Variants in AP2B1 observed in about 807,000 individuals in gnomAD.
AP2B1 encodes adaptor related protein complex 2 subunit beta 1, also known as AP-2 complex subunit beta.
AP2B1 carries 23 observed loss-of-function variants against 102.0 expected under a neutral mutation model. The observed-to-expected ratio is 0.23, with a 90% confidence interval of 0.16 to 0.32. AP2B1 has a LOEUF of 0.32. AP2B1 is among the 10% of genes least tolerant of loss of function. AP2B1 has a pLI of 1.00. For synonymous variants in AP2B1, 381 were observed against 421.2 expected (o/e 0.90, Z 1.17); for missense variants, 541 against 1,157.4 (o/e 0.47, Z 7.73).
intron 14 of AP2B1, among the ~76,000 whole-genome samples, chr17:35,658,781 T>C (rs1159608701): frequency 2.6e-5 from 4 of 152,234 alleles, no homozygotes; most frequent in Non-Finnish European, 1.5e-5. Context: ...CTGCATATAC[T>C]GGCATCTTCT....
rs1235565433 is a variant in AP2B1, at chr17:35,657,887, C to G, written c.1989+96C>G. On this transcript the variant is annotated intron_variant, in intron 14 of 21. Transcript: ENST00000610402. ...TCAGCTTTTTAGAACTAGACCTTTC[C>G]TTGATGAGCAGTAGTGTCCTTTGAT... 3.6e-6 allele frequency: 4 copies of G among 1,109,450 alleles called. No homozygotes were observed. The African/African-American group carries it at 6.3e-5, about 17-fold the overall frequency. The allele number at this position is 1,109,450 out of a possible 1,614,324, so 68.7% of individuals were successfully genotyped here.
At chr17:35,675,312 C>G (rs2075676104) in intron 17 of AP2B1, among the ~76,000 whole-genome samples, 1 of 152,200 alleles carries the variant, frequency 6.6e-6, no homozygotes, top group Non-Finnish European at 1.5e-5. Context: ...TAATTGGACC[C>G]TTAAAGCAGA....
chr17:35,644,310 A>T (rs1010032637), intron 12 of AP2B1, among the ~76,000 whole-genome samples: 1 of 152,156 alleles, frequency 6.6e-6, no homozygotes, highest in East Asian at 1.9e-4. Context: ...CCATATGTAT[A>T]TGTGTGTTTG....
At chr17:35,693,211 G>A (rs1567999052) in intron 18 of AP2B1, among the ~76,000 whole-genome samples, 1 of 151,992 alleles carries the variant, frequency 6.6e-6, no homozygotes, top group East Asian at 1.9e-4. Context: ...TAGAGATGAG[G>A]TTTTTTCACC....
In AP2B1 at chr17:35,639,588, TCATCAGG is replaced by T; in HGVS notation, c.1272-6_1272del. ...CTCAATAACCATAGTTCATTTTTTT[TCATCAGG>T]TATGAAAGTATCATCGCCACTCTGT... On this transcript the variant is annotated splice_acceptor_variant and splice_polypyrimidine_tract_variant and coding_sequence_variant and intron_variant, in exon 11 of 22. Transcript: ENST00000610402. LOFTEE classifies it high-confidence loss of function. The T allele has an allele frequency of 3.1e-6, 5 of 1,599,624 alleles. No homozygotes were observed. The highest frequency in any genetic ancestry group is 3.5e-5 in the Admixed American group (2 of 56,388).
At chr17:35,714,534 A>T (rs2076513952) in intron 20 of AP2B1, among the ~76,000 whole-genome samples, 1 of 152,192 alleles carries the variant, frequency 6.6e-6, no homozygotes, top group African/African-American at 2.4e-5. Flanking sequence ...TTATGGAAGG[A>T]TACAAATGAA....
intron 1 of AP2B1, among the ~76,000 whole-genome samples, chr17:35,589,603 A>C (rs1056442609): frequency 1.3e-5 from 2 of 152,220 alleles, no homozygotes; most frequent in Non-Finnish European, 2.9e-5. Context: ...CTGTGCAGGG[A>C]GGCCTTCTCC....
chr17:35,591,036 TG>T (rs1390966054), intron 1 of AP2B1, among the ~76,000 whole-genome samples: 1 of 151,670 alleles, frequency 6.6e-6, no homozygotes, highest in Admixed American at 6.6e-5. Context: ...TAGCTGGGCG[TG>T]GTAGTGGGTG....
chr17:35,660,133 G>A (rs2142895474), intron 14 of AP2B1: 1 of 946,188 alleles, frequency 1.1e-6, no homozygotes, highest in South Asian at 4.9e-5. Flanking sequence ...TTTTGTACAA[G>A]AGAGGGTTTG....
intron 17 of AP2B1, among the ~76,000 whole-genome samples, chr17:35,677,484 A>C (rs779251786): frequency 9.2e-5 from 14 of 152,152 alleles, no homozygotes; most frequent in South Asian, 6.2e-4. Context: ...AATATGTTGT[A>C]AATTAAGAGT....
intron 1 of AP2B1, among the ~76,000 whole-genome samples, chr17:35,589,989 G>T (rs1480714948): frequency 1.4e-5 from 2 of 146,544 alleles, no homozygotes; most frequent in African/African-American, 5.1e-5. Context: ...GCAGTGGCGC[G>T]ATCTCGGCTC....
intron 18 of AP2B1, among the ~76,000 whole-genome samples, chr17:35,688,674 G>C (rs976599667): frequency 6.6e-6 from 1 of 151,932 alleles, no homozygotes; most frequent in African/African-American, 2.4e-5. Context: ...TTAAAACCTT[G>C]TTTATGGGAA....
chr17:35,639,183 T>C (rs1469708725), intron 10 of AP2B1, among the ~76,000 whole-genome samples: 1 of 151,994 alleles, frequency 6.6e-6, no homozygotes, highest in Admixed American at 6.6e-5. Flanking sequence ...ATTTTTAAAA[T>C]TTAGCTGAGT....
chr17:35,641,896 C>G lies in AP2B1; in HGVS notation c.1457C>G (p.Thr486Ser), dbSNP rs2074793375. ...ESTQVQLTLLTAIVKLFLKKP... is the reference protein window; with the variant it reads ...ESTQVQLTLLSAIVKLFLKKP... ...GTTTAGGTGCAGCTCACTCTGCTTA[C>G]TGCCATAGTGAAGCTGTTTCTCAAG... is the stretch of plus-strand genomic sequence containing the variant. The change falls in exon 12 of 22, where the codon ACT (threonine) becomes AGT (serine). Residue 486 changes from threonine to serine, a missense_variant. Around this residue, in one of 10 missense-constraint regions of AP2B1, gnomAD observed 106 missense variants for 296.4 expected, o/e 0.36. Transcript: ENST00000610402. 6.2e-7 allele frequency: 1 copy of G among 1,611,502 alleles called. No individual in the cohort carries two copies. Among genetic ancestry groups the G allele is most frequent in the African/African-American group, 1.3e-5 (1 of 74,902 alleles).
intron 5 of AP2B1, among the ~76,000 whole-genome samples, chr17:35,613,152 T>C (rs2142451675): frequency 6.6e-6 from 1 of 151,204 alleles, no homozygotes; most frequent in South Asian, 2.1e-4. Context: ...CCAGCACATA[T>C]TAGATTCTCT....
In AP2B1 at chr17:35,598,306, T is replaced by A. The variant is rs2073359433; in HGVS notation, c.114T>A (p.Ile38=). Residue 38 remains isoleucine, a synonymous_variant, in exon 3 of 22, where the codon ATT becomes ATA. Transcript: ENST00000610402. ...GAAAGGAGGCTGTGAAGAAAGTGAT[T>A]GCTGCTATGACCGTGGGGAAGGATG... ...EKRKEAVKKV[I]AAMTVGKDVS... is the part of the protein sequence containing the mutation. 6.2e-7 allele frequency: 1 copy of A among 1,613,450 alleles called. No homozygotes were observed. Among genetic ancestry groups the A allele is most frequent in the African/African-American group, 1.3e-5 (1 of 74,898 alleles).
chr17:35,719,542 AG>A (rs1375859796), intron 21 of AP2B1, among the ~76,000 whole-genome samples: 1 of 152,234 alleles, frequency 6.6e-6, no homozygotes, highest in Non-Finnish European at 1.5e-5. Context: ...CATTCTTCCA[AG>A]TTGTTACATG....
intron 17 of AP2B1, among the ~76,000 whole-genome samples, chr17:35,682,334 C>CTTTTTT (rs587645888): frequency 6.4e-4 from 46 of 72,062 alleles, no homozygotes; most frequent in Middle Eastern, 0.01. Context: ...AATCCTGCCT[C>CTTTTTT]TTTTTTTTTT....
intron 5 of AP2B1, among the ~76,000 whole-genome samples, chr17:35,618,779 A>G (rs1010633236): frequency 1.3e-5 from 2 of 152,124 alleles, no homozygotes; most frequent in South Asian, 2.1e-4. Context: ...TCCTTTTTTA[A>G]CAAAATGAGG....
Sources: allele counts gnomAD v4.1 joint callset (sites outside exome capture counted in the v4.1 genomes callset), GRCh38; gene constraint gnomAD v4.1.1; regional missense constraint gnomAD v4.1.1; transcripts MANE v1.5; gene names NCBI Gene and HGNC (gene_info 2026-07-23, HGNC 2026-07-21).